Variants in KIAA1328 observed in about 807,000 individuals in gnomAD.
KIAA1328 encodes the protein protein hinderin.
A neutral mutation model predicts 68.1 loss-of-function variants in KIAA1328; 52 were observed. The observed-to-expected ratio is 0.76, with a 90% CI of 0.61 to 0.96. KIAA1328 has a LOEUF of 0.96. KIAA1328 is among the 40% of genes least tolerant of loss of function. The pLI is 0.00. For missense variants in KIAA1328, 641 were observed against 677.6 expected (o/e 0.95, Z 0.60); for synonymous variants, 232 against 239.4 (o/e 0.97, Z 0.28).
downstream of KIAA1328, chr18:37,229,597 C>T (rs1178387241): frequency 3.9e-6 from 5 of 1,274,768 alleles, no homozygotes; most frequent in South Asian, 6.4e-5. Context: ...CAAGTCCATC[C>T]AGGCGCGGTG....
At chr18:36,895,262 C>CTT (rs2048831912) in intron 5 of KIAA1328, among the ~76,000 whole-genome samples, 1 of 152,128 alleles carries the variant, frequency 6.6e-6, no homozygotes, top group Non-Finnish European at 1.5e-5. Context: ...CTACTTTATA[C>CTT]TTTTGTGACT....
At chr18:37,174,242 G>A (rs1309740997) in intron 9 of KIAA1328, among the ~76,000 whole-genome samples, 1 of 152,172 alleles carries the variant, frequency 6.6e-6, no homozygotes, top group Non-Finnish European at 1.5e-5. Context: ...GGCAAAGCCA[G>A]CATTTCAGAC....
intron 6 of KIAA1328, among the ~76,000 whole-genome samples, chr18:37,029,602 T>A (rs2054740899): frequency 6.6e-6 from 1 of 152,134 alleles, no homozygotes; most frequent in South Asian, 2.1e-4. Flanking sequence ...TTGAGAATTG[T>A]TTTATGTCTG....
At chr18:37,155,381 T>C (rs1292420237) in intron 7 of KIAA1328, among the ~76,000 whole-genome samples, 1 of 152,186 alleles carries the variant, frequency 6.6e-6, no homozygotes, top group Non-Finnish European at 1.5e-5. Context: ...GCAGTTAATT[T>C]TTCCCACCCT....
intron 9 of KIAA1328, among the ~76,000 whole-genome samples, chr18:37,189,773 A>G (rs896985307): frequency 2.0e-5 from 3 of 152,196 alleles, no homozygotes; most frequent in Admixed American, 6.5e-5. Flanking sequence ...TGAGTTTTTA[A>G]GGAAACTGAT....
At chr18:37,092,117 C>G (rs1238942514) in intron 7 of KIAA1328, among the ~76,000 whole-genome samples, 8 of 152,112 alleles carry the variant, frequency 5.3e-5, no homozygotes, top group Non-Finnish European at 1.2e-4. Flanking sequence ...CCAACATGCA[C>G]CATTGGGAGA....
At chr18:36,938,614 T>A (rs138100618) in intron 5 of KIAA1328, among the ~76,000 whole-genome samples, 51 of 152,320 alleles carry the variant, frequency 3.3e-4, no homozygotes, top group Admixed American at 7.2e-4. Context: ...TGTCTATCTT[T>A]ACTTTCGTTG....
intron 7 of KIAA1328, among the ~76,000 whole-genome samples, chr18:37,156,055 G>A (rs1268457892): frequency 2.6e-5 from 4 of 151,966 alleles, no homozygotes; most frequent in Non-Finnish European, 5.9e-5. Flanking sequence ...TTTGGCATAT[G>A]GTATTAAAAA....
intron 6 of KIAA1328, among the ~76,000 whole-genome samples, chr18:36,995,144 T>TCC (rs1568267668): frequency 6.6e-6 from 1 of 152,070 alleles, no homozygotes. Flanking sequence ...TGTGTGATGT[T>TCC]CCCCTCCCTG....
At chr18:37,147,073 G>A (rs2058919890) in intron 7 of KIAA1328, among the ~76,000 whole-genome samples, 1 of 152,142 alleles carries the variant, frequency 6.6e-6, no homozygotes, top group Admixed American at 6.6e-5. Flanking sequence ...TATCTGCACA[G>A]TACAGCTCCC....
At chr18:37,061,083 C>T (rs965506720) in intron 6 of KIAA1328, among the ~76,000 whole-genome samples, 1 of 152,124 alleles carries the variant, frequency 6.6e-6, no homozygotes, top group Non-Finnish European at 1.5e-5. Flanking sequence ...CCACTGCACT[C>T]CAGCCTGGGC....
At chr18:37,045,591 T>G (rs1705461329) in intron 6 of KIAA1328, among the ~76,000 whole-genome samples, 1 of 152,222 alleles carries the variant, frequency 6.6e-6, no homozygotes, top group Admixed American at 6.5e-5. Flanking sequence ...GTCATAATCT[T>G]AAAACAAATT....
At chr18:36,909,083 G>A (rs1312782685) in intron 5 of KIAA1328, among the ~76,000 whole-genome samples, 1 of 152,050 alleles carries the variant, frequency 6.6e-6, no homozygotes, top group African/African-American at 2.4e-5. Context: ...TTGACTTTGA[G>A]TATAACTTAC....
intron 5 of KIAA1328, among the ~76,000 whole-genome samples, chr18:36,920,101 T>G (rs1466772658): frequency 6.6e-6 from 1 of 152,202 alleles, no homozygotes; most frequent in Non-Finnish European, 1.5e-5. Flanking sequence ...CAGTTGCTTG[T>G]AGGAACTCGG....
intron 6 of KIAA1328, among the ~76,000 whole-genome samples, chr18:37,028,911 A>G (rs930384820): frequency 6.6e-6 from 1 of 152,026 alleles, no homozygotes; most frequent in Non-Finnish European, 1.5e-5. Context: ...GTGCTGCTGG[A>G]TTTGGTTTGC....
intron 7 of KIAA1328, among the ~76,000 whole-genome samples, chr18:37,131,214 G>A (rs1376549453): frequency 6.6e-6 from 1 of 152,130 alleles, no homozygotes; most frequent in Admixed American, 6.5e-5. Context: ...ACTATGTTCA[G>A]TAACATTTTA....
At chr18:37,230,252 T>G (rs1490251783), downstream of KIAA1328, 1 of 152,268 alleles carries the variant, frequency 6.6e-6, no homozygotes, top group African/African-American at 2.4e-5. Context: ...CCCTCTGTGT[T>G]TGTACTTCTG....
intron 7 of KIAA1328, among the ~76,000 whole-genome samples, chr18:37,146,669 T>C (rs2058910300): frequency 6.6e-6 from 1 of 152,192 alleles, no homozygotes; most frequent in African/African-American, 2.4e-5. Context: ...TATTATCTTA[T>C]TAGCTATGTG....
chr18:36,925,435 A>G (rs1222317182), intron 5 of KIAA1328, among the ~76,000 whole-genome samples: 1 of 152,204 alleles, frequency 6.6e-6, no homozygotes, highest in Non-Finnish European at 1.5e-5. Flanking sequence ...GAATACACTA[A>G]ACAAATTTGG....
Sources: allele counts gnomAD v4.1 joint callset (sites outside exome capture counted in the v4.1 genomes callset), GRCh38; gene constraint gnomAD v4.1.1; transcripts MANE v1.5; gene names NCBI Gene and HGNC (gene_info 2026-07-23, HGNC 2026-07-21).